BASP1: variants seen among roughly 807,000 people sequenced by gnomAD.
BASP1 encodes the protein brain acid soluble protein 1.
In BASP1, 1 loss-of-function variant was observed where a neutral mutation model predicts 2.2. The ratio of observed to expected loss-of-function variants is 0.46; its 90% CI spans 0.16 to 2.17. BASP1 has a LOEUF of 2.17. BASP1 is among the 30% of genes most tolerant of loss of function. The pLI is 0.27. For missense variants in BASP1, 352 were observed against 327.2 expected (o/e 1.08, Z -0.58); for synonymous variants, 187 against 154.2 (o/e 1.21, Z -1.58).
intron 1 of BASP1, among the ~76,000 whole-genome samples, chr5:17,264,668 T>A (rs1224680807): frequency 6.6e-6 from 1 of 152,226 alleles, no homozygotes; most frequent in African/African-American, 2.4e-5. Flanking sequence ...ATTGCAATGA[T>A]GAAGCTGCAA....
At chr5:17,254,681 A>G (rs1180157862) in intron 1 of BASP1, among the ~76,000 whole-genome samples, 1 of 152,234 alleles carries the variant, frequency 6.6e-6, no homozygotes, top group African/African-American at 2.4e-5. Flanking sequence ...AGATTTGCAG[A>G]TCCCACCTTT....
At position 17,276,046 on chromosome 5, in the gene BASP1, A is replaced by G. The variant is rs1740655012; in HGVS notation, c.*146A>G. ...CTCTCTCCTATACTAACTTGTTTCA[A>G]ATTGGAAGTAATGATATGTATTGCC... On this transcript the variant is annotated 3_prime_UTR_variant, in exon 2 of 2. Transcript: ENST00000322611. 1 of 657,308 alleles carries G rather than the reference A, an allele frequency of 1.5e-6. No homozygotes were observed. The highest frequency in any genetic ancestry group is 2.2e-6 in the Non-Finnish European group (1 of 444,678). 40.7% of individuals were successfully genotyped at this position (657,308 alleles called of 1,614,324 possible).
intron 1 of BASP1, among the ~76,000 whole-genome samples, chr5:17,245,307 C>CAAA (rs761635722): frequency 1.4e-5 from 1 of 72,796 alleles, no homozygotes. Flanking sequence ...GACTCCGTCT[C>CAAA]AAAAAAAAAA....
chr5:17,252,272 C>G (rs1740118200), intron 1 of BASP1, among the ~76,000 whole-genome samples: 1 of 152,114 alleles, frequency 6.6e-6, no homozygotes, highest in Non-Finnish European at 1.5e-5. Flanking sequence ...AACATTCTAA[C>G]TTTAGAGGTG....
rs1309533128 is a variant in BASP1, at chr5:17,236,484, C to G, written c.-10+18674C>G. ...TTCGCCTTGTTGGTCAGGCTGGTCT[C>G]AAACTCCTGACCTTAGGTGATCCGC... is the stretch of plus-strand genomic sequence containing the variant. On this transcript the variant is annotated intron_variant, in intron 1 of 1. Transcript: ENST00000322611. This position sits in a 1 kb window ranked among gnomAD's most constrained non-coding sequence, Gnocchi z 4.0. Among the ~76,000 whole-genome samples the G allele has an allele frequency of 6.6e-6, 1 of 152,066 alleles. No individual in the cohort carries two copies. The highest frequency in any genetic ancestry group is 1.5e-5 in the Non-Finnish European group (1 of 68,008).
chr5:17,223,454 A>G (rs985980614), intron 1 of BASP1, among the ~76,000 whole-genome samples: 2 of 152,206 alleles, frequency 1.3e-5, no homozygotes, highest in Admixed American at 1.3e-4. Context: ...CAAAGAGACC[A>G]TTATTGCAAG....
chr5:17,265,901 C>T (rs1407216080), intron 1 of BASP1, among the ~76,000 whole-genome samples: 2 of 152,176 alleles, frequency 1.3e-5, no homozygotes, highest in African/African-American at 4.8e-5. Flanking sequence ...CTGACCCATG[C>T]GTTTTCACTT....
At chr5:17,258,107 T>G (rs534067877) in intron 1 of BASP1, among the ~76,000 whole-genome samples, 1 of 152,226 alleles carries the variant, frequency 6.6e-6, no homozygotes, top group South Asian at 2.1e-4. Context: ...GGAGAGTAGG[T>G]CTGGGTCATT....
chr5:17,242,812 C>T lies in BASP1; in HGVS notation c.-10+25002C>T, dbSNP rs74290317. Among the ~76,000 whole-genome samples the T allele has an allele frequency of 2.6e-3, 379 of 145,320 alleles. 7 individuals are homozygous for T. In the East Asian group the frequency reaches 0.054, roughly 21 times the overall value. Reference sequence around the variant, plus strand: ...CTGCGTGCTAATGTCCTTGAGGAGTCGAAGTAAGTCTAGGAAAAAAAAAGT... The same window carrying T: ...CTGCGTGCTAATGTCCTTGAGGAGTTGAAGTAAGTCTAGGAAAAAAAAAGT... On this transcript the variant is annotated intron_variant, in intron 1 of 1. Coordinates refer to ENST00000322611, the MANE Select transcript of BASP1 (RefSeq NM_006317.5).
Position 17,236,473 on chromosome 5 carries a change from C to T in BASP1, c.-10+18663C>T, listed in dbSNP as rs993523704. Among the ~76,000 whole-genome samples, 4 of 152,108 alleles carry T rather than the reference C, an allele frequency of 2.6e-5. No individual in the cohort carries two copies. Among genetic ancestry groups the T allele is most frequent in the Non-Finnish European group, 5.9e-5 (4 of 68,020 alleles). On this transcript the variant is annotated intron_variant, in intron 1 of 1. Coordinates refer to ENST00000322611, the MANE Select transcript of BASP1 (RefSeq NM_006317.5). This position sits in a 1 kb window ranked among gnomAD's most constrained non-coding sequence, Gnocchi z 4.0. ...AGAGACGGGGTTTCGCCTTGTTGGT[C>T]AGGCTGGTCTCAAACTCCTGACCTT...
intron 1 of BASP1, among the ~76,000 whole-genome samples, chr5:17,252,628 C>T (rs181839886): frequency 5.3e-5 from 8 of 152,298 alleles, no homozygotes; most frequent in Non-Finnish European, 1.5e-5. Flanking sequence ...TCTTTGCTCT[C>T]AGGCAGAATA....
chr5:17,265,475 G>A (rs1383878038), intron 1 of BASP1, among the ~76,000 whole-genome samples: 2 of 152,010 alleles, frequency 1.3e-5, no homozygotes, highest in Non-Finnish European at 2.9e-5. Flanking sequence ...TTTGCTTGCC[G>A]CCAAAAATGC....
intron 1 of BASP1, among the ~76,000 whole-genome samples, chr5:17,257,577 C>G (rs1740240350): frequency 6.6e-6 from 1 of 152,164 alleles, no homozygotes; most frequent in Non-Finnish European, 1.5e-5. Flanking sequence ...ACCTCCCCTT[C>G]TATTTTCTTC....
intron 1 of BASP1, among the ~76,000 whole-genome samples, chr5:17,219,550 CTG>C (rs1239234792): frequency 2.0e-5 from 3 of 152,184 alleles, no homozygotes; most frequent in African/African-American, 7.2e-5. Context: ...ACATATCTTA[CTG>C]CAGTGAGGGT....
chr5:17,227,813 A>T (rs1739547730), intron 1 of BASP1, among the ~76,000 whole-genome samples: 2 of 152,172 alleles, frequency 1.3e-5, no homozygotes, highest in South Asian at 4.1e-4. Context: ...GGTGAATGCC[A>T]CCCTATTGAC....
chr5:17,241,648 G>A (rs962231948), intron 1 of BASP1, among the ~76,000 whole-genome samples: 9 of 152,174 alleles, frequency 5.9e-5, no homozygotes, highest in Non-Finnish European at 1.0e-4. Flanking sequence ...TATATTTGCT[G>A]CATTTGCTGG....
intron 1 of BASP1, among the ~76,000 whole-genome samples, chr5:17,225,765 T>A (rs532913003): frequency 5.9e-5 from 9 of 152,324 alleles, no homozygotes; most frequent in African/African-American, 2.2e-4. Flanking sequence ...AGAGCTTTTA[T>A]GCCGATTTCT....
rs1398465370 is a variant in BASP1 at position 17,228,874 on chromosome 5, A to T, written c.-10+11064A>T. On this transcript the variant is annotated intron_variant, in intron 1 of 1. Transcript: ENST00000322611. ...TGAGCTAGCCAGGAATCTCAGAAAA[A>T]GGGCAAAGAAGTCCAGAATGATGTA... Among the ~76,000 whole-genome samples, 6 of 152,330 alleles carry T rather than the reference A, an allele frequency of 3.9e-5. No homozygotes were observed. In the South Asian group the frequency reaches 1.0e-3, roughly 26 times the overall value.
intron 1 of BASP1, among the ~76,000 whole-genome samples, chr5:17,228,896 T>C (rs1157852251): frequency 6.6e-6 from 1 of 152,158 alleles, no homozygotes; most frequent in East Asian, 1.9e-4. Context: ...TCCAGAATGA[T>C]GTAATGCTGC....
Sources: gnomAD v4.1 joint callset for allele counts (sites outside exome capture counted in the v4.1 genomes callset) on GRCh38, gnomAD v4.1.1 for gene constraint, Gnocchi (gnomAD v3.1) non-coding constraint, MANE v1.5 for transcripts, NCBI Gene and HGNC (gene_info 2026-07-23, HGNC 2026-07-21) for gene names.